The following POLE2 variants were observed in gnomAD, a reference collection of about 807,000 sequenced individuals.
POLE2 encodes DNA polymerase epsilon subunit 2.
Under a neutral mutation model 79.4 loss-of-function variants are expected in POLE2, and 56 were observed. The observed-to-expected ratio is 0.71, with a 90% CI of 0.57 to 0.88. The LOEUF (loss-of-function observed/expected upper bound fraction) is 0.88, where lower values mean the gene tolerates loss of function less well. Among genes scored for constraint, POLE2 ranks in the 40% least tolerant of loss-of-function variants. The pLI is 0.00. For synonymous variants in POLE2, 212 were observed against 214.0 expected (o/e 0.99, Z 0.08); for missense variants, 598 against 638.9 (o/e 0.94, Z 0.69).
chr14:49,646,302 G>GTTTTTT lies in POLE2; in HGVS notation c.1565+985_1565+990dup, dbSNP rs1162033821. 4.1e-3 allele frequency among the ~76,000 whole-genome samples: 345 copies of GTTTTTT among 84,498 alleles called. 31 individuals are homozygous for GTTTTTT. Among genetic ancestry groups the GTTTTTT allele is most frequent in the Middle Eastern group, 8.5e-3 (1 of 118 alleles). 55.4% of individuals were successfully genotyped at this position (84,498 alleles called of 152,430 possible). ...GATTTGGTCAGTTGTTTTTTTGTTG[G>GTTTTTT]TTTTTTTTTTTTTTTTTTTTTTTTT... On this transcript the variant is annotated intron_variant, in intron 18 of 18. Coordinates refer to ENST00000216367, the MANE Select transcript of POLE2 (RefSeq NM_002692.4).
At chr14:49,674,946 A>G (rs1480894574) in intron 3 of POLE2, among the ~76,000 whole-genome samples, 1 of 152,204 alleles carries the variant, frequency 6.6e-6, no homozygotes, top group East Asian at 1.9e-4. Context: ...ACAAGAAAGC[A>G]TTGCCAAAAC....
At chr14:49,682,127 C>T (rs1886757463) in intron 2 of POLE2, among the ~76,000 whole-genome samples, 1 of 150,916 alleles carries the variant, frequency 6.6e-6, no homozygotes, top group Non-Finnish European at 1.5e-5. Context: ...GCCTCAGCCT[C>T]CCAAGGAGCT....
At position 49,679,724 on chromosome 14, in the gene POLE2, C is replaced by T. The variant is rs1566568819; in HGVS notation, c.245+1G>A. 6.4e-7 allele frequency: 1 copy of T among 1,559,210 alleles called. No individual in the cohort carries two copies. The highest frequency in any genetic ancestry group is 8.8e-7 in the Non-Finnish European group (1 of 1,131,130). The stretch of plus-strand genomic sequence containing the variant: ...GAAAAAAGTTAACTGTACCCACATA[C>T]ATAGTTTCATCAACAGACTGACTGC... On this transcript the variant is annotated splice_donor_variant, in intron 3 of 18. Coordinates refer to ENST00000216367, the MANE Select transcript of POLE2 (RefSeq NM_002692.4). LOFTEE classifies it high-confidence loss of function.
chr14:49,662,036 T>C (rs1885133294), intron 10 of POLE2, among the ~76,000 whole-genome samples: 1 of 152,180 alleles, frequency 6.6e-6, no homozygotes, highest in Non-Finnish European at 1.5e-5. Flanking sequence ...AAAAATACCA[T>C]GACAATGGCA....
At chr14:49,666,443 CTG>C (rs774062137) in intron 6 of POLE2, 30 bp from the exon 7 acceptor site, 1 of 973,616 alleles carries the variant, frequency 1.0e-6, no homozygotes, top group South Asian at 1.8e-5. Context: ...ATTTTAAAGA[CTG>C]TAAATATATT....
intron 1 of POLE2, chr14:49,684,564 T>C (rs759131647): frequency 6.7e-6 from 1 of 149,890 alleles, no homozygotes; most frequent in Non-Finnish European, 1.5e-5. Flanking sequence ...AAAGGAGAGG[T>C]TGGCACTCCA....
At position 49,654,221 on chromosome 14, in the gene POLE2, C is replaced by T. The variant is rs781073757; in HGVS notation, c.1074-7G>A. ...TACAAACACAAAACGACTACTGTAG[C>T]AAAATTCAACACAATTCATTTAAAA... On this transcript the variant is annotated splice_polypyrimidine_tract_variant and splice_region_variant and intron_variant, in intron 13 of 18. Transcript: ENST00000216367. The T allele has an allele frequency of 6.3e-7, 1 of 1,587,590 alleles. No individual in the cohort carries two copies. The highest frequency in any genetic ancestry group is 2.2e-5 in the East Asian group (1 of 44,726).
At chr14:49,670,646 C>T (rs1338770783) in intron 5 of POLE2, among the ~76,000 whole-genome samples, 1 of 152,166 alleles carries the variant, frequency 6.6e-6, no homozygotes, top group African/African-American at 2.4e-5. Flanking sequence ...GAGACAGATT[C>T]AAGACTTTTG....
chr14:49,680,833 G>A (rs1173212622), intron 2 of POLE2, among the ~76,000 whole-genome samples: 3 of 150,898 alleles, frequency 2.0e-5, no homozygotes, highest in Non-Finnish European at 2.9e-5. Flanking sequence ...GGGTTTCACT[G>A]TGTTAGCCAG....
At chr14:49,656,166 T>C (rs1332174645) in intron 10 of POLE2, among the ~76,000 whole-genome samples, 1 of 151,950 alleles carries the variant, frequency 6.6e-6, no homozygotes, top group Non-Finnish European at 1.5e-5. Flanking sequence ...CCATCCTGGC[T>C]AACACAGTGA....
At chr14:49,682,284 T>TGTTA (rs1886770514) in intron 2 of POLE2, among the ~76,000 whole-genome samples, 1 of 148,352 alleles carries the variant, frequency 6.7e-6, no homozygotes, top group African/African-American at 2.5e-5. Context: ...GGATTACAGG[T>TGTTA]GTTAGCCACC....
chr14:49,674,067 T>C, intron 5 of POLE2, 56 bp downstream of exon 5: 1 of 988,610 alleles, frequency 1.0e-6, no homozygotes, highest in African/African-American at 1.6e-5. Flanking sequence ...ACTGAAACAG[T>C]CTCCTTTTCT....
At chr14:49,647,176 C>G in intron 18 of POLE2, 117 bp downstream of exon 18, 1 of 614,016 alleles carries the variant, frequency 1.6e-6, no homozygotes, top group South Asian at 2.1e-5. Flanking sequence ...AATAATATTT[C>G]TTTATGGGCC....
chr14:49,647,956 G>T (rs181457886), intron 17 of POLE2, among the ~76,000 whole-genome samples: 72 of 152,282 alleles, frequency 4.7e-4, no homozygotes, highest in Non-Finnish European at 8.2e-4. Flanking sequence ...GATGAGGTTG[G>T]AAATGCTTAG....
intron 10 of POLE2, 81 bp downstream of exon 10, chr14:49,663,234 T>G: frequency 1.7e-6 from 1 of 603,350 alleles, no homozygotes; most frequent in Non-Finnish European, 2.8e-6. Flanking sequence ...TTTTAGTAAC[T>G]GAGATATGAC....
chr14:49,659,981 G>A (rs950856812), intron 10 of POLE2, among the ~76,000 whole-genome samples: 1 of 152,186 alleles, frequency 6.6e-6, no homozygotes, highest in African/African-American at 2.4e-5. Flanking sequence ...GTAGTGTACA[G>A]TAATGTCCTA....
intron 11 of POLE2, 50 bp downstream of exon 11, chr14:49,655,621 A>C: frequency 7.7e-7 from 1 of 1,298,210 alleles, no homozygotes; most frequent in Non-Finnish European, 1.1e-6. Context: ...AAGTTTTAAA[A>C]CATGAACCCT....
Position 49,652,169 on chromosome 14 carries a change from G to GGGGAAGGAGTAAAAGCTGGAGACCAATT in POLE2, c.1212-793_1212-792insAATTGGTCTCCAGCTTTTACTCCTTCCC, listed in dbSNP as rs374689507. ...CACTGCGTTAAGAATAGAATACGGA[G>GGGGAAGGAGTAAAAGCTGGAGACCAATT]AGGAGAATGGCATGAACCCGGGAGG... On this transcript the variant is annotated intron_variant, in intron 15 of 18. Coordinates refer to ENST00000216367, the MANE Select transcript of POLE2 (RefSeq NM_002692.4). Among the ~76,000 whole-genome samples the GGGGAAGGAGTAAAAGCTGGAGACCAATT allele has an allele frequency of 6.5e-4, 28 of 42,964 alleles. 1 individual carries two copies. The highest frequency in any genetic ancestry group is 1.8e-3 in the Admixed American group (8 of 4,486). 28.2% of individuals were successfully genotyped at this position (42,964 alleles called of 152,430 possible).
At chr14:49,645,314 G>A (rs1353135175) in intron 18 of POLE2, among the ~76,000 whole-genome samples, 1 of 152,042 alleles carries the variant, frequency 6.6e-6, no homozygotes, top group African/African-American at 2.4e-5. Flanking sequence ...GTTTAAACAG[G>A]GTTAATTTTA....
Sources: gnomAD v4.1 joint callset for allele counts (sites outside exome capture counted in the v4.1 genomes callset) on GRCh38, gnomAD v4.1.1 for gene constraint, MANE v1.5 for transcripts, NCBI Gene and HGNC (gene_info 2026-07-23, HGNC 2026-07-21) for gene names.